The following ROBO1 variants were observed in gnomAD, a reference collection of about 807,000 sequenced individuals.
ROBO1 encodes the protein roundabout guidance receptor 1.
In ROBO1, 149 loss-of-function variants were observed where a neutral mutation model predicts 195.9. The observed-to-expected ratio is 0.76, with a 90% CI of 0.67 to 0.87. The LOEUF is 0.87. Ranked by LOEUF, ROBO1 falls within the 40% of genes least tolerant of loss-of-function variation. The pLI is 0.00. For missense variants in ROBO1, 1,933 were observed against 2,068.3 expected, an observed-to-expected ratio of 0.93 and a Z score of 1.27; for synonymous variants, 816 against 733.2, an observed-to-expected ratio of 1.11 and a Z score of -1.82.
chr3:79,391,107 G>A (rs1185024683), intron 2 of ROBO1, among the ~76,000 whole-genome samples: 1 of 147,938 alleles, frequency 6.8e-6, no homozygotes, highest in African/African-American at 2.5e-5. Context: ...TAATATAGCA[G>A]GACCCTGTCT....
chr3:79,293,781 G>T (rs556864627), intron 2 of ROBO1, among the ~76,000 whole-genome samples: 95 of 152,118 alleles, frequency 6.2e-4, no homozygotes, highest in African/African-American at 2.2e-3. Context: ...ACTTTGGGCC[G>T]GGCGCGGTGG....
At chr3:79,095,816 C>T (rs546441144) in intron 3 of ROBO1, among the ~76,000 whole-genome samples, 2 of 152,004 alleles carry the variant, frequency 1.3e-5, no homozygotes, top group South Asian at 4.1e-4. Context: ...TCCAAAAATA[C>T]CACATTTTTT....
intron 2 of ROBO1, among the ~76,000 whole-genome samples, chr3:79,585,614 T>C (rs1943802992): frequency 6.6e-6 from 1 of 152,010 alleles, no homozygotes; most frequent in Non-Finnish European, 1.5e-5. Context: ...GTCATGGAAA[T>C]CTGTCCTCAG....
chr3:79,356,804 C>G (rs759222707), intron 2 of ROBO1, among the ~76,000 whole-genome samples: 1 of 152,076 alleles, frequency 6.6e-6, no homozygotes, highest in Non-Finnish European at 1.5e-5. Flanking sequence ...GAAAGACATT[C>G]GCAGGGCATT....
At chr3:79,635,606 TGAAA>T (rs1234519295) in intron 1 of ROBO1, among the ~76,000 whole-genome samples, 4 of 152,184 alleles carry the variant, frequency 2.6e-5, no homozygotes, top group African/African-American at 9.6e-5. Flanking sequence ...TCTGTAATTG[TGAAA>T]GAAAGTTATT....
chr3:79,387,088 G>T (rs984080210), intron 2 of ROBO1, among the ~76,000 whole-genome samples: 1 of 152,098 alleles, frequency 6.6e-6, no homozygotes, highest in Non-Finnish European at 1.5e-5. Context: ...TTTGCTTTTA[G>T]CACTTTTTGA....
intron 2 of ROBO1, among the ~76,000 whole-genome samples, chr3:79,560,330 C>T (rs1942864616): frequency 7.9e-6 from 1 of 127,338 alleles, no homozygotes; most frequent in Admixed American, 1.0e-4. Flanking sequence ...GGGAATTGAA[C>T]AATTAGAACA....
chr3:79,364,249 T>TAC (rs1364410881), intron 2 of ROBO1, among the ~76,000 whole-genome samples: 4 of 147,474 alleles, frequency 2.7e-5, no homozygotes, highest in Non-Finnish European at 5.9e-5. Context: ...TATATATATA[T>TAC]ATACATATAT....
At chr3:79,462,057 G>A (rs570254099) in intron 2 of ROBO1, among the ~76,000 whole-genome samples, 2 of 152,134 alleles carry the variant, frequency 1.3e-5, no homozygotes, top group Non-Finnish European at 2.9e-5. Flanking sequence ...AGTCAAGGTA[G>A]TATTATTATG....
At chr3:78,841,308 C>T (rs1353767869) in intron 4 of ROBO1, among the ~76,000 whole-genome samples, 3 of 152,052 alleles carry the variant, frequency 2.0e-5, no homozygotes, top group Non-Finnish European at 2.9e-5. Context: ...CACTTATTTC[C>T]CCAGCAGACC....
intron 2 of ROBO1, among the ~76,000 whole-genome samples, chr3:79,544,515 A>G (rs1683570718): frequency 6.6e-6 from 1 of 152,058 alleles, no homozygotes; most frequent in African/African-American, 2.4e-5. Context: ...CTAACTTTGA[A>G]TGACATTGCA....
At chr3:79,393,296 C>T (rs1331474945) in intron 2 of ROBO1, among the ~76,000 whole-genome samples, 1 of 152,200 alleles carries the variant, frequency 6.6e-6, no homozygotes, top group African/African-American at 2.4e-5. Flanking sequence ...CAATCTCCTA[C>T]TGAAGAGGAT....
chr3:79,315,130 T>C (rs2033675590), intron 2 of ROBO1, among the ~76,000 whole-genome samples: 1 of 152,108 alleles, frequency 6.6e-6, no homozygotes, highest in Non-Finnish European at 1.5e-5. Context: ...GGATGAAGTG[T>C]AGTGACACAC....
intron 3 of ROBO1, among the ~76,000 whole-genome samples, chr3:79,023,540 T>C (rs1056363054): frequency 6.6e-6 from 1 of 152,120 alleles, no homozygotes; most frequent in Non-Finnish European, 1.5e-5. Flanking sequence ...AGTATTACTT[T>C]TGTTTGTTTG....
At chr3:79,028,089 G>C (rs1333785145) in intron 3 of ROBO1, among the ~76,000 whole-genome samples, 2 of 151,998 alleles carry the variant, frequency 1.3e-5, no homozygotes, top group Admixed American at 1.3e-4. Context: ...ACTAAAAGTA[G>C]TATGGCTGAT....
intron 2 of ROBO1, among the ~76,000 whole-genome samples, chr3:79,576,586 C>T (rs984827033): frequency 6.6e-6 from 1 of 152,068 alleles, no homozygotes; most frequent in African/African-American, 2.4e-5. Context: ...TTAAACATTT[C>T]ACACGGCTGG....
intron 2 of ROBO1, among the ~76,000 whole-genome samples, chr3:79,350,629 T>C (rs1235293797): frequency 6.6e-6 from 1 of 152,174 alleles, no homozygotes; most frequent in Non-Finnish European, 1.5e-5. Context: ...AAAGGATGGC[T>C]ACATGCTACA....
At chr3:79,469,815 T>C (rs979747424) in intron 2 of ROBO1, among the ~76,000 whole-genome samples, 12 of 152,068 alleles carry the variant, frequency 7.9e-5, no homozygotes, top group Non-Finnish European at 1.2e-4. Flanking sequence ...CAATTTGAAC[T>C]AAGGACAACT....
intron 4 of ROBO1, among the ~76,000 whole-genome samples, chr3:78,753,384 C>T (rs765594453): frequency 6.6e-5 from 10 of 152,052 alleles, no homozygotes; most frequent in Admixed American, 1.3e-4. Flanking sequence ...CCTGTACTGC[C>T]GTGCAAAATA....
Sources: allele counts gnomAD v4.1 joint callset (sites outside exome capture counted in the v4.1 genomes callset), GRCh38; gene constraint gnomAD v4.1.1; transcripts MANE v1.5; gene names NCBI Gene and HGNC (gene_info 2026-07-23, HGNC 2026-07-21).